The following CCDC178 variants were observed in gnomAD, a reference collection of about 807,000 sequenced individuals.
CCDC178 encodes coiled-coil domain containing 178, also known as coiled-coil domain-containing protein 178.
CCDC178 carries 126 observed loss-of-function variants against 117.4 expected under a neutral mutation model. That is an observed-to-expected ratio of 1.07 (90% CI 0.93 to 1.24). CCDC178 has a LOEUF of 1.24. Ranked by LOEUF, CCDC178 falls within the 50% of genes most tolerant of loss-of-function variation. The pLI, the probability that CCDC178 is intolerant of heterozygous loss-of-function variation, is 0.00. For missense variants in CCDC178, 1,030 were observed against 986.9 expected (o/e 1.04, Z -0.59); for synonymous variants, 283 against 313.4 (o/e 0.90, Z 1.02).
intron 20 of CCDC178, among the ~76,000 whole-genome samples, chr18:33,146,979 A>G (rs2058275475): frequency 6.6e-6 from 1 of 152,120 alleles, no homozygotes; most frequent in African/African-American, 2.4e-5. Flanking sequence ...GACCTTAATT[A>G]AGAAAACTGT....
chr18:33,058,088 G>GAC (rs34171691), intron 21 of CCDC178, among the ~76,000 whole-genome samples: 21,606 of 152,006 alleles, frequency 0.14, 2,359 homozygotes, highest in African/African-American at 0.31. Flanking sequence ...AAAAAAATAA[G>GAC]AGTTCATCAA....
chr18:33,337,737 T>C (rs2062760376), intron 9 of CCDC178, among the ~76,000 whole-genome samples: 1 of 152,132 alleles, frequency 6.6e-6, no homozygotes, highest in Non-Finnish European at 1.5e-5. Flanking sequence ...TCCTCATCTC[T>C]TGCCTTATAC....
At chr18:33,244,183 G>A (rs139615101) in intron 15 of CCDC178, among the ~76,000 whole-genome samples, 76 of 152,014 alleles carry the variant, frequency 5.0e-4, no homozygotes, top group Non-Finnish European at 9.4e-4. Context: ...ATTCATTGAC[G>A]ATAATGCTAG....
At chr18:33,156,641 C>A (rs1276680108) in intron 20 of CCDC178, among the ~76,000 whole-genome samples, 84 of 99,200 alleles carry the variant, frequency 8.5e-4, no homozygotes, top group Non-Finnish European at 1.0e-3. Context: ...TCCTCCCTCT[C>A]AAAAAAAAAA....
chr18:33,240,632 C>A (rs2059476322), intron 15 of CCDC178, among the ~76,000 whole-genome samples: 1 of 151,804 alleles, frequency 6.6e-6, no homozygotes, highest in African/African-American at 2.4e-5. Flanking sequence ...TGGATACATA[C>A]AATCTACCAA....
chr18:33,173,670 G>A (rs1013691457), intron 20 of CCDC178, among the ~76,000 whole-genome samples: 6 of 152,102 alleles, frequency 3.9e-5, no homozygotes, highest in Admixed American at 1.3e-4. Flanking sequence ...TATTCCTTGC[G>A]TCAGTCTCCT....
chr18:32,947,848 A>C (rs2054390329), intron 22 of CCDC178, among the ~76,000 whole-genome samples: 1 of 152,156 alleles, frequency 6.6e-6, no homozygotes, highest in Non-Finnish European at 1.5e-5. Context: ...TTCTATGTTT[A>C]GGATTATGAT....
At chr18:33,243,191 C>T (rs545070935) in intron 15 of CCDC178, among the ~76,000 whole-genome samples, 57 of 151,770 alleles carry the variant, frequency 3.8e-4, no homozygotes, top group African/African-American at 1.2e-3. Context: ...TATGTGAAAA[C>T]GAACCAAAAT....
intron 14 of CCDC178, among the ~76,000 whole-genome samples, chr18:33,263,957 T>C (rs1163551294): frequency 6.6e-6 from 1 of 151,836 alleles, no homozygotes; most frequent in South Asian, 2.1e-4. Context: ...CACTGAAGCA[T>C]GAGCTAGAAG....
chr18:33,177,180 G>A (rs2058673559), intron 20 of CCDC178, among the ~76,000 whole-genome samples: 1 of 151,938 alleles, frequency 6.6e-6, no homozygotes, highest in Non-Finnish European at 1.5e-5. Flanking sequence ...ACAGGGAGGG[G>A]AACATCACAC....
At chr18:32,958,428 A>T (rs2054637781) in intron 22 of CCDC178, among the ~76,000 whole-genome samples, 1 of 152,204 alleles carries the variant, frequency 6.6e-6, no homozygotes, top group Admixed American at 6.5e-5. Context: ...CTTTGTAACC[A>T]TGGTTAGCAT....
At chr18:32,976,863 A>C (rs1694016006) in intron 21 of CCDC178, among the ~76,000 whole-genome samples, 1 of 152,170 alleles carries the variant, frequency 6.6e-6, no homozygotes. Context: ...CACATATTGC[A>C]GTATAGTTCT....
intron 18 of CCDC178, among the ~76,000 whole-genome samples, chr18:33,216,316 G>T (rs1364062045): frequency 6.6e-6 from 1 of 151,990 alleles, no homozygotes; most frequent in Non-Finnish European, 1.5e-5. Context: ...TATATATATT[G>T]TTCTGATATT....
At chr18:33,133,781 C>T (rs1427670735) in intron 20 of CCDC178, among the ~76,000 whole-genome samples, 1 of 151,900 alleles carries the variant, frequency 6.6e-6, no homozygotes, top group African/African-American at 2.4e-5. Context: ...GATTGCAAGG[C>T]TGTATTCTTA....
intron 21 of CCDC178, among the ~76,000 whole-genome samples, chr18:33,039,774 C>A (rs1207714817): frequency 6.6e-6 from 1 of 151,736 alleles, no homozygotes; most frequent in Non-Finnish European, 1.5e-5. Flanking sequence ...CGAAATAGTA[C>A]CCAAGGGTTA....
At chr18:33,266,815 A>G in intron 14 of CCDC178, 101 bp downstream of exon 14, 1 of 1,185,918 alleles carries the variant, frequency 8.4e-7, no homozygotes, top group Non-Finnish European at 1.1e-6. Context: ...CTGATAAACA[A>G]AAACACCACC....
chr18:33,249,835 T>C (rs1265649286), intron 14 of CCDC178, among the ~76,000 whole-genome samples: 3 of 152,076 alleles, frequency 2.0e-5, no homozygotes, highest in African/African-American at 4.8e-5. Context: ...GGGGATGGCA[T>C]TGAATCTATA....
In CCDC178 at chr18:33,302,661, C is replaced by A. The variant is rs143619778; in HGVS notation, c.1023-9349G>T. On this transcript the variant is annotated intron_variant, in intron 11 of 22. Coordinates refer to ENST00000383096, the MANE Select transcript of CCDC178 (RefSeq NM_001105528.4). ...AAGAAAATGTGATATGTATACACGA[C>A]GTAATACTATTCTCCACAAAAAGAA... Among the ~76,000 whole-genome samples the A allele has an allele frequency of 2.0e-5, 3 of 152,052 alleles. No individual in the cohort carries two copies. The South Asian group carries it at 6.2e-4, about 32-fold the overall frequency.
chr18:33,394,869 C>A (rs1194243461), intron 4 of CCDC178, among the ~76,000 whole-genome samples: 1 of 142,462 alleles, frequency 7.0e-6, no homozygotes, highest in Non-Finnish European at 1.5e-5. Context: ...ATTCATATTT[C>A]TTGGAATGGC....
Sources: allele counts gnomAD v4.1 joint callset (sites outside exome capture counted in the v4.1 genomes callset), GRCh38; gene constraint gnomAD v4.1.1; transcripts MANE v1.5; gene names NCBI Gene and HGNC (gene_info 2026-07-23, HGNC 2026-07-21).